The following PHKA1 variants were observed in gnomAD, a reference collection of about 807,000 sequenced individuals.
PHKA1 encodes the protein phosphorylase kinase regulatory subunit alpha 1.
In PHKA1, 60 loss-of-function variants were observed where a neutral mutation model predicts 110.2. The observed-to-expected ratio is 0.54, with a 90% CI of 0.44 to 0.68. PHKA1 has a LOEUF of 0.68. Among genes scored for constraint, PHKA1 ranks in the 30% least tolerant of loss-of-function variants. PHKA1 has a pLI of 0.00. For synonymous variants in PHKA1, 316 were observed against 333.6 expected (o/e 0.95, Z 0.58); for missense variants, 801 against 942.5 (o/e 0.85, Z 1.97).
At chrX:72,609,816 C>T in intron 22 of PHKA1, 113 bp from the exon 23 acceptor site, 1 of 554,140 alleles carries the variant, frequency 1.8e-6, no homozygotes, top group Non-Finnish European at 3.2e-6. Flanking sequence ...ACACACTGAA[C>T]TCTCTTCCTC....
At position 72,650,445 on chromosome X, in the gene PHKA1, A is replaced by G. The variant is rs1556298623; in HGVS notation, c.1269T>C (p.Ile423=). The change falls in exon 13 of 32, where the codon ATT becomes ATC. Residue 423 remains isoleucine (I), a synonymous_variant. Coordinates refer to ENST00000373542, the MANE Select transcript of PHKA1 (RefSeq NM_002637.4). ...MAEGFLAPGE[I]DPLNRRFSTV... is the part of the protein sequence containing the mutation. ...TAGAAAACCTGCGATTCAGGGGATC[A>G]ATTTCTCCAGGGGCTAAAAATCCCT... 5.8e-6 allele frequency: 7 copies of G among 1,208,695 alleles called. No homozygotes were observed. Among genetic ancestry groups the G allele is most frequent in the Non-Finnish European group, 7.8e-6 (7 of 892,855 alleles).
At chrX:72,685,942 A>G (rs782165987) in intron 4 of PHKA1, among the ~76,000 whole-genome samples, 1 of 111,907 alleles carries the variant, frequency 8.9e-6, no homozygotes, top group South Asian at 3.8e-4. Flanking sequence ...TGTGCCAGCT[A>G]TGTAGTTGTG....
At chrX:72,686,605 G>A (rs781898762) in intron 4 of PHKA1, among the ~76,000 whole-genome samples, 1 of 111,702 alleles carries the variant, frequency 9.0e-6, no homozygotes, top group South Asian at 3.8e-4. Context: ...ATATCTTTAT[G>A]CACATGTGCC....
chrX:72,580,794 T>C lies in PHKA1; in HGVS notation c.*208A>G. The C allele has an allele frequency of 6.6e-6, 3 of 453,332 alleles. No individual in the cohort carries two copies. Among genetic ancestry groups the C allele is most frequent in the South Asian group, 3.2e-5 (1 of 31,268 alleles). 37.4% of individuals were successfully genotyped at this position (453,332 alleles called of 1,213,427 possible). The stretch of plus-strand genomic sequence containing the variant: ...AGTGTTCATTATACTCATAAGATTG[T>C]CACTGGTTCTGCAAGGTGAGCCTCC... On this transcript the variant is annotated 3_prime_UTR_variant, in exon 32 of 32. Coordinates refer to ENST00000373542, the MANE Select transcript of PHKA1 (RefSeq NM_002637.4).
chrX:72,707,629 T>C (rs1323683495), intron 2 of PHKA1, among the ~76,000 whole-genome samples: 5 of 81,980 alleles, frequency 6.1e-5, no homozygotes, highest in Non-Finnish European at 1.1e-4. Flanking sequence ...TATCAAAAAA[T>C]CGTGTGTGTG....
chrX:72,652,505 G>A (rs369379085), intron 12 of PHKA1, 39 bp downstream of exon 12: 18 of 745,754 alleles, frequency 2.4e-5, no homozygotes, highest in Non-Finnish European at 3.6e-5. Flanking sequence ...GGTGACTTAA[G>A]GCAGAAAAAA....
Position 72,584,879 on chromosome X carries a change from C to A in PHKA1, c.3244-577G>T, listed in dbSNP as rs782107200. Among the ~76,000 whole-genome samples the A allele has an allele frequency of 1.8e-4, 18 of 97,908 alleles. No individual in the cohort carries two copies. In the Admixed American group the frequency reaches 1.9e-3, roughly 10 times the overall value. 85.0% of individuals were successfully genotyped at this position (97,908 alleles called of 115,157 possible). ...AACTCGTCATTTACATTAGGTATATCTCCTAATGCTCTCCCTCCCCCCTCC... is the reference window on the plus strand; with the variant it reads ...AACTCGTCATTTACATTAGGTATATATCCTAATGCTCTCCCTCCCCCCTCC... On this transcript the variant is annotated intron_variant, in intron 29 of 31. Transcript: ENST00000373542.
chrX:72,710,078 ACAGT>A (rs1405628463), intron 2 of PHKA1, among the ~76,000 whole-genome samples: 1 of 108,910 alleles, frequency 9.2e-6, no homozygotes, highest in African/African-American at 3.3e-5. Context: ...TTCTCAAAGT[ACAGT>A]CAGAGTTTGG....
chrX:72,699,507 C>CAAAAAAA (rs1171276586), intron 3 of PHKA1, among the ~76,000 whole-genome samples: 6 of 16,923 alleles, frequency 3.5e-4, no homozygotes, highest in Admixed American at 7.8e-4. Flanking sequence ...GACTCCATCT[C>CAAAAAAA]AAAAAAAAAA....
Position 72,653,443 on chromosome X carries a change from G to A in PHKA1, c.1129C>T (p.Pro377Ser). The change falls in exon 11 of 32, where the codon CCT becomes TCT. Residue 377 changes from proline to serine, a missense_variant. Physicochemically the swap from Pro to Ser is moderately conservative, Grantham distance 74 (BLOSUM62 -1). Around this residue, in one of 2 missense-constraint regions of PHKA1, gnomAD observed 299 missense variants for 423.3 expected, o/e 0.71. Coordinates refer to ENST00000373542, the MANE Select transcript of PHKA1 (RefSeq NM_002637.4). Reference sequence around the variant, plus strand: ...GGCACTGTCTGACTCACCCTGTCAGGAGGAACACTGTACAGCTCTGGCAGA... The same window carrying A: ...GGCACTGTCTGACTCACCCTGTCAGAAGGAACACTGTACAGCTCTGGCAGA... ...PLLPELYSVP[P>S]DRVDEEYQNP... 8.4e-7 allele frequency: 1 copy of A among 1,194,960 alleles called. No individual in the cohort carries two copies. Among genetic ancestry groups the A allele is most frequent in the Non-Finnish European group, 1.1e-6 (1 of 880,620 alleles).
intron 5 of PHKA1, among the ~76,000 whole-genome samples, chrX:72,678,522 A>G (rs1406918501): frequency 8.9e-6 from 1 of 111,997 alleles, no homozygotes; most frequent in South Asian, 3.8e-4. Context: ...CAGAAATATC[A>G]ATAATTCTAC....
At chrX:72,643,208 A>G (rs184150951) in intron 14 of PHKA1, among the ~76,000 whole-genome samples, 2 of 110,956 alleles carry the variant, frequency 1.8e-5, no homozygotes, top group Admixed American at 1.9e-4. Context: ...TGTAATTACT[A>G]ACATACCATT....
At chrX:72,629,642 T>C (rs1285927484) in intron 16 of PHKA1, among the ~76,000 whole-genome samples, 5 of 112,186 alleles carry the variant, frequency 4.5e-5, no homozygotes, top group Non-Finnish European at 9.4e-5. Context: ...AAGTAATTAT[T>C]GATATGTTAG....
At chrX:72,712,962 A>C (rs375382083) in intron 1 of PHKA1, 25 bp from the exon 2 acceptor site, 30 of 1,205,214 alleles carry the variant, frequency 2.5e-5, no homozygotes, top group Non-Finnish European at 3.1e-5. Flanking sequence ...AAAAGAGGGC[A>C]GGAAGGTAAC....
intron 12 of PHKA1, among the ~76,000 whole-genome samples, 169 bp from the exon 13 acceptor site, chrX:72,650,637 C>T (rs1556298722): frequency 8.9e-6 from 1 of 112,491 alleles, no homozygotes; most frequent in Non-Finnish European, 1.9e-5. Flanking sequence ...TTCCCAAATT[C>T]ACACCACAAT....
intron 3 of PHKA1, among the ~76,000 whole-genome samples, chrX:72,698,064 A>C (rs2054153520): frequency 9.0e-6 from 1 of 110,909 alleles, no homozygotes; most frequent in Admixed American, 9.6e-5. Flanking sequence ...CTCTCTGTAC[A>C]TTATGATGTA....
At chrX:72,584,149 T>C (rs1556207612) in intron 30 of PHKA1, 100 bp downstream of exon 30, 1 of 692,761 alleles carries the variant, frequency 1.4e-6, no homozygotes, top group Non-Finnish European at 2.3e-6. Flanking sequence ...AGTTGATTTA[T>C]AAAAGCATGG....
rs201988792 is a variant in PHKA1, at chrX:72,606,379, C to CAT, written c.2607-761_2607-760insAT. Among the ~76,000 whole-genome samples, 19 of 109,093 alleles carry CAT rather than the reference C, an allele frequency of 1.7e-4. No individual in the cohort carries two copies. The South Asian group carries it at 6.4e-3, about 37-fold the overall frequency. The allele number at this position is 109,093 out of a possible 115,157, so 94.7% of individuals were successfully genotyped here. ...GCACACACACACACACACACACACACGTATACACACATCCTCACACACTTC... is the reference window on the plus strand; with the variant it reads ...GCACACACACACACACACACACACACATGTATACACACATCCTCACACACTTC... On this transcript the variant is annotated intron_variant, in intron 23 of 31. Coordinates refer to ENST00000373542, the MANE Select transcript of PHKA1 (RefSeq NM_002637.4).
intron 4 of PHKA1, among the ~76,000 whole-genome samples, chrX:72,687,656 TTGTG>T (rs1277873533): frequency 1.8e-5 from 2 of 110,416 alleles, no homozygotes; most frequent in Non-Finnish European, 3.8e-5. Context: ...GTGTGTGTGT[TTGTG>T]TGTGTGTATT....
Sources: gnomAD v4.1 joint callset for allele counts (sites outside exome capture counted in the v4.1 genomes callset) on GRCh38, gnomAD v4.1.1 for gene constraint, gnomAD v4.1.1 regional missense constraint, MANE v1.5 for transcripts, NCBI Gene and HGNC (gene_info 2026-07-23, HGNC 2026-07-21) for gene names.